The following LMTK3 variants were observed in gnomAD, a reference collection of about 807,000 sequenced individuals.
LMTK3 encodes serine/threonine-protein kinase LMTK3.
Under a neutral mutation model 116.7 loss-of-function variants are expected in LMTK3, and 27 were observed. The ratio of observed to expected loss-of-function variants is 0.23; its 90% CI spans 0.17 to 0.32. LMTK3 has a LOEUF of 0.32. Among genes scored for constraint, LMTK3 ranks in the 10% least tolerant of loss-of-function variants. The pLI, the probability that LMTK3 is intolerant of heterozygous loss-of-function variation, is 1.00. For synonymous variants in LMTK3, 965 were observed against 971.0 expected (o/e 0.99, Z 0.11); for missense variants, 1,764 against 2,068.5 (o/e 0.85, Z 2.86).
At chr19:48,503,127 G>A (rs959608177) in intron 5 of LMTK3, 131 bp from the exon 6 acceptor site, 25 of 672,684 alleles carry the variant, frequency 3.7e-5, no homozygotes, top group African/African-American at 7.1e-5. Flanking sequence ...GTTTTGAGAC[G>A]GAGTCTCGCT....
At position 48,485,685 on chromosome 19, in the gene LMTK3, G is replaced by A; in HGVS notation, c.*88C>T. Reference sequence around the variant, plus strand: ...GGGGGCCTCCCCAGAGGCGGCGTCTGCGGTGGTGGCAGTGGCGCCGTCATC... The same window carrying A: ...GGGGGCCTCCCCAGAGGCGGCGTCTACGGTGGTGGCAGTGGCGCCGTCATC... On this transcript the variant is annotated 3_prime_UTR_variant, in exon 15 of 15. Coordinates refer to ENST00000600059, the MANE Select transcript of LMTK3 (RefSeq NM_001388485.1). The A allele has an allele frequency of 6.9e-7, 1 of 1,443,754 alleles. No individual in the cohort carries two copies. The highest frequency in any genetic ancestry group is 1.2e-5 in the South Asian group (1 of 82,816). 89.4% of individuals were successfully genotyped at this position (1,443,754 alleles called of 1,614,324 possible).
At position 48,491,272 on chromosome 19, in the gene LMTK3, A is replaced by G. The variant is rs772220546; in HGVS notation, c.4229-27T>C. The G allele has an allele frequency of 7.2e-7, 1 of 1,383,414 alleles. No individual in the cohort carries two copies. The highest frequency in any genetic ancestry group is 9.4e-7 in the Non-Finnish European group (1 of 1,066,182). The allele number at this position is 1,383,414 out of a possible 1,614,324, so 85.7% of individuals were successfully genotyped here. A position where few individuals can be genotyped will look rare whatever the true frequency, so the allele number is the denominator to read the frequency against. On this transcript the variant is annotated intron_variant, in intron 13 of 14. Transcript: ENST00000600059. The surrounding 1 kb of genome is among the most constrained non-coding windows in gnomAD (Gnocchi z 5.1). Reference sequence around the variant, plus strand: ...TGCGGCAGAAGGAAAGACCGCGGTCAGGCTGCAGACACCTGCGGCACTCCC... The same window carrying G: ...TGCGGCAGAAGGAAAGACCGCGGTCGGGCTGCAGACACCTGCGGCACTCCC...
intron 12 of LMTK3, among the ~76,000 whole-genome samples, chr19:48,492,764 C>A (rs547931228): frequency 6.6e-6 from 1 of 152,250 alleles, no homozygotes; most frequent in Non-Finnish European, 1.5e-5. Flanking sequence ...CCTAGCCTCT[C>A]CAGGATCCCA....
chr19:48,499,592 C>T lies in LMTK3; in HGVS notation c.1477G>A (p.Gly493Arg). The change falls in exon 11 of 15, where the codon GGG becomes AGG. Residue 493 changes from glycine (G) to arginine (R), a missense_variant. Coordinates refer to ENST00000600059, the MANE Select transcript of LMTK3 (RefSeq NM_001388485.1). ...GACGCCGGCTGCCAGGCAGGTGCCC[C>T]CCCACCCCGGCCGGCCCCACGCCGG... The part of the protein sequence containing the change: ...KARRGAGRGG[G>R]APAWQPASAP... The T allele has an allele frequency of 6.5e-7, 1 of 1,539,950 alleles. No homozygotes were observed. Among genetic ancestry groups the T allele is most frequent in the Non-Finnish European group, 8.7e-7 (1 of 1,143,146 alleles).
At chr19:48,486,988 C>T (rs1972135270) in intron 14 of LMTK3, among the ~76,000 whole-genome samples, 1 of 151,584 alleles carries the variant, frequency 6.6e-6, no homozygotes, top group East Asian at 1.9e-4. Flanking sequence ...GCTTCAGCTT[C>T]CTGAGTAGCT....
At position 48,497,277 on chromosome 19, in the gene LMTK3, T is replaced by G; in HGVS notation, c.3676+116A>C. 1 of 1,154,630 alleles carries G rather than the reference T, an allele frequency of 8.7e-7. No individual in the cohort carries two copies. The highest frequency in any genetic ancestry group is 1.1e-6 in the Non-Finnish European group (1 of 883,340). 71.5% of individuals were successfully genotyped at this position (1,154,630 alleles called of 1,614,324 possible). ...GATGTGAGCCCAGGTGGTGCAGGCT[T>G]CAGGACCTGCATTCATCACTGCCAG... On this transcript the variant is annotated intron_variant, in intron 11 of 14. Transcript: ENST00000600059. This position sits in a 1 kb window ranked among gnomAD's most constrained non-coding sequence, Gnocchi z 5.7.
intron 5 of LMTK3, 131 bp downstream of exon 5, chr19:48,508,720 G>C: frequency 1.3e-6 from 1 of 753,474 alleles, no homozygotes; most frequent in Non-Finnish European, 2.3e-6. Flanking sequence ...CTGAGGTTCA[G>C]GGAGGGAAGT....
chr19:48,502,360 C>T (rs1476817289), intron 7 of LMTK3, 73 bp downstream of exon 7: 8 of 1,482,552 alleles, frequency 5.4e-6, no homozygotes, highest in Non-Finnish European at 7.4e-6. Context: ...CCCCCTCTAG[C>T]CCCTCCCCTG....
rs1180557251 is a variant in LMTK3, at chr19:48,493,851, G to A, written c.3935C>T (p.Pro1312Leu). ...CGCGTCGGCGCTGCTCACCACGACG[G>A]GCACCGGGGCTGCTCGCGCCCTCCC... ...GPGRARAAPV[P>L]VVVSSADADA... is the part of the protein sequence containing the mutation. The change falls in exon 12 of 15, where the codon CCC becomes CTC. Residue 1312 changes from proline to leucine, a missense_variant. Pro to Leu is a moderately conservative substitution (Grantham distance 98, BLOSUM62 -3). Coordinates refer to ENST00000600059, the MANE Select transcript of LMTK3 (RefSeq NM_001388485.1). 4 of 1,289,534 alleles carry A rather than the reference G, an allele frequency of 3.1e-6. No homozygotes were observed. Among genetic ancestry groups the A allele is most frequent in the South Asian group, 2.3e-5 (1 of 43,060 alleles). The allele number at this position is 1,289,534 out of a possible 1,614,324, so 79.9% of individuals were successfully genotyped here.
chr19:48,502,935 G>A lies in LMTK3; in HGVS notation c.619C>T (p.Leu207=). 1 of 1,612,954 alleles carries A rather than the reference G, an allele frequency of 6.2e-7. No homozygotes were observed. Among genetic ancestry groups the A allele is most frequent in the Non-Finnish European group, 8.5e-7 (1 of 1,179,436 alleles). Residue 207 remains leucine, a synonymous_variant, in exon 6 of 15, where the codon CTG becomes TTG. Transcript: ENST00000600059. ...LGLCVETLPF[L]LIMEFCQLGD... ...AGTTGACAGAACTCCATAATCAGCA[G>A]AAACGGCAGCGTCTCCACGCACAGA...
chr19:48,491,092 G>A lies in LMTK3; in HGVS notation c.4366+16C>T. The A allele has an allele frequency of 1.5e-6, 2 of 1,354,260 alleles. No homozygotes were observed. Among genetic ancestry groups the A allele is most frequent in the Non-Finnish European group, 9.5e-7 (1 of 1,053,328 alleles). 83.9% of individuals were successfully genotyped at this position (1,354,260 alleles called of 1,614,324 possible). A position where few individuals can be genotyped will look rare whatever the true frequency, so the allele number is the denominator to read the frequency against. On this transcript the variant is annotated intron_variant, in intron 14 of 14. Coordinates refer to ENST00000600059, the MANE Select transcript of LMTK3 (RefSeq NM_001388485.1). The surrounding 1 kb of genome is among the most constrained non-coding windows in gnomAD (Gnocchi z 5.1). ...AGAGATGGGCAGAGGAGGGGGCAGGGCCGAGGATATGGTACCTGCGGGCCG... is the reference window on the plus strand; with the variant it reads ...AGAGATGGGCAGAGGAGGGGGCAGGACCGAGGATATGGTACCTGCGGGCCG...
In LMTK3 at chr19:48,499,857, G is replaced by A. The variant is rs1434241129; in HGVS notation, c.1212C>T (p.Leu404=). The A allele has an allele frequency of 6.3e-7, 1 of 1,594,860 alleles. No homozygotes were observed. The highest frequency in any genetic ancestry group is 1.7e-5 in the Admixed American group (1 of 57,228). The part of the protein sequence containing the change: ...PPAQRPSASD[L]QLQLTYLLSE... The stretch of plus-strand genomic sequence containing the variant: ...AGAGCAAGTAGGTGAGCTGCAATTG[G>A]AGATCAGAGGCTGAAGGGCGCTGGG... Residue 404 remains leucine, a synonymous_variant, in exon 11 of 15, where the codon CTC becomes CTT. Transcript: ENST00000600059.
At position 48,485,767 on chromosome 19, in the gene LMTK3, G is replaced by C. The variant is rs1207833713; in HGVS notation, c.*6C>G. 2 of 1,610,498 alleles carry C rather than the reference G, an allele frequency of 1.2e-6. No individual in the cohort carries two copies. Among genetic ancestry groups the C allele is most frequent in the South Asian group, 2.2e-5 (2 of 90,418 alleles). ...GAGGGTGCAGCGGGGTCGGGTCTTC[G>C]GGGAATCAATTCTCCACGGGGCCTG... On this transcript the variant is annotated 3_prime_UTR_variant, in exon 15 of 15. Coordinates refer to ENST00000600059, the MANE Select transcript of LMTK3 (RefSeq NM_001388485.1).
Position 48,497,251 on chromosome 19 carries a change from C to G in LMTK3, c.3676+142G>C, listed in dbSNP as rs10410083. On this transcript the variant is annotated intron_variant, in intron 11 of 14. Transcript: ENST00000600059. The surrounding 1 kb of genome is among the most constrained non-coding windows in gnomAD (Gnocchi z 5.7). ...AAGAGCTAGAGAGGGGGCTGAGCCA[C>G]GATGTGAGCCCAGGTGGTGCAGGCT... 51,686 of 921,110 alleles carry G rather than the reference C, an allele frequency of 0.056. 2,501 individuals are homozygous for G. Among genetic ancestry groups the G allele is most frequent in the African/African-American group, 0.21 (12,394 of 57,840 alleles). 57.1% of individuals were successfully genotyped at this position (921,110 alleles called of 1,614,324 possible).
Position 48,498,748 on chromosome 19 carries a change from G to A in LMTK3, c.2321C>T (p.Ser774Leu), listed in dbSNP as rs1972389380. 1.3e-6 allele frequency: 2 copies of A among 1,511,558 alleles called. No homozygotes were observed. The highest frequency in any genetic ancestry group is 1.8e-6 in the Non-Finnish European group (2 of 1,134,910). The allele number at this position is 1,511,558 out of a possible 1,614,324, so 93.6% of individuals were successfully genotyped here. A position where few individuals can be genotyped will look rare whatever the true frequency, so the allele number is the denominator to read the frequency against. ...ADPAASPDPP[S>L]AVASPGSGLS... is the part of the protein sequence containing the mutation. Reference sequence around the variant, plus strand: ...GCCTGAACCGGGACTGGCCACGGCCGAAGGGGGGTCGGGGGACGCGGCCGG... The same window carrying A: ...GCCTGAACCGGGACTGGCCACGGCCAAAGGGGGGTCGGGGGACGCGGCCGG... The change falls in exon 11 of 15, where the codon TCG (serine) becomes TTG (leucine). Residue 774 changes from serine (S) to leucine (L), a missense_variant. Ser to Leu is a moderately radical substitution (Grantham distance 145, BLOSUM62 -2). Transcript: ENST00000600059.
upstream of LMTK3, chr19:48,513,475 A>T (rs1305773528): frequency 2.5e-6 from 1 of 406,154 alleles, no homozygotes; most frequent in Non-Finnish European, 4.5e-6. This position sits in a 1 kb window ranked among gnomAD's most constrained non-coding sequence, Gnocchi z 5.6. Flanking sequence ...GGACACACAT[A>T]CATCACGTGC....
At position 48,498,053 on chromosome 19, in the gene LMTK3, T is replaced by C; in HGVS notation, c.3016A>G (p.Asn1006Asp). The C allele has an allele frequency of 6.2e-7, 1 of 1,612,762 alleles. No homozygotes were observed. Among genetic ancestry groups the C allele is most frequent in the South Asian group, 1.1e-5 (1 of 91,070 alleles). Residue 1006 changes from asparagine to aspartate, a missense_variant, in exon 11 of 15, where the codon AAT (asparagine) becomes GAT (aspartate). Physicochemically the swap from Asn to Asp is conservative, Grantham distance 23. Coordinates refer to ENST00000600059, the MANE Select transcript of LMTK3 (RefSeq NM_001388485.1). The stretch of plus-strand genomic sequence containing the variant: ...TTCCTGGGGAATCTCAGGCCCCCAT[T>C]CTCTGACACCTTGTCCTCGCTCTTT... ...PPKSEDKVSE[N>D]GGLRFPRNTE...
chr19:48,505,540 C>T (rs1390385553), intron 5 of LMTK3, among the ~76,000 whole-genome samples: 1 of 152,072 alleles, frequency 6.6e-6, no homozygotes, highest in Non-Finnish European at 1.5e-5. Context: ...GCTGGAGCAG[C>T]ATAGTGAAAC....
chr19:48,498,958 G>T lies in LMTK3; in HGVS notation c.2111C>A (p.Pro704His), dbSNP rs1256090026. The change falls in exon 11 of 15, where the codon CCC (proline) becomes CAC (histidine). Residue 704 changes from proline (P) to histidine (H), a missense_variant. Coordinates refer to ENST00000600059, the MANE Select transcript of LMTK3 (RefSeq NM_001388485.1). ...TGCCCGCAGCGAGGAGTCGTCCTCG[G>T]GGGGGTGGGGGCAGCCAAGAGCAGG... ...GHPALGCPHP[P>H]EDDSSLRAER... 4 of 1,322,624 alleles carry T rather than the reference G, an allele frequency of 3.0e-6. No individual in the cohort carries two copies. Among genetic ancestry groups the T allele is most frequent in the South Asian group, 2.1e-5 (1 of 47,484 alleles). 81.9% of individuals were successfully genotyped at this position (1,322,624 alleles called of 1,614,324 possible).
Sources: allele counts gnomAD v4.1 joint callset (sites outside exome capture counted in the v4.1 genomes callset), GRCh38; gene constraint gnomAD v4.1.1; non-coding constraint Gnocchi (gnomAD v3.1); transcripts MANE v1.5; gene names NCBI Gene and HGNC (gene_info 2026-07-23, HGNC 2026-07-21).